The following LAS1L variants were observed in gnomAD, a reference collection of about 807,000 sequenced individuals.
The protein encoded by LAS1L is ribosomal biogenesis protein LAS1L.
A neutral mutation model predicts 57.3 loss-of-function variants in LAS1L; 5 were observed. The observed-to-expected ratio is 0.09, with a 90% CI of 0.05 to 0.18. The LOEUF (loss-of-function observed/expected upper bound fraction) is 0.18. LAS1L is among the 10% of genes least tolerant of loss of function. LAS1L has a pLI of 1.00. For missense variants in LAS1L, 360 were observed against 568.3 expected (o/e 0.63, Z 3.73); for synonymous variants, 245 against 231.7 (o/e 1.06, Z -0.52).
intron 7 of LAS1L, 92 bp downstream of exon 7, chrX:65,528,167 AG>A: frequency 1.9e-6 from 1 of 536,032 alleles, no homozygotes; most frequent in Non-Finnish European, 3.2e-6. Flanking sequence ...TGTACAGCAG[AG>A]GTTGGCAAGC....
chrX:65,517,231 CTTCTTTCT>C lies in LAS1L; in HGVS notation c.1927+748_1927+755del, dbSNP rs750142412. 6.7e-5 allele frequency among the ~76,000 whole-genome samples: 7 copies of C among 104,434 alleles called. No homozygotes were observed. The East Asian group carries it at 8.6e-4, about 13-fold the overall frequency. 90.7% of individuals were successfully genotyped at this position (104,434 alleles called of 115,157 possible). ...TTCTCTGACTTAATGCCCTAGGTTC[CTTCTTTCT>C]TTCTTTCTTTCTTTTTTTTTTTTTT... On this transcript the variant is annotated intron_variant, in intron 12 of 13. Transcript: ENST00000374811.
intron 1 of LAS1L, 36 bp downstream of exon 1, chrX:65,534,444 A>G: frequency 9.5e-7 from 1 of 1,050,831 alleles, no homozygotes; most frequent in South Asian, 2.0e-5. Context: ...CAGCGCCACC[A>G]GCACGCAGGC....
intron 7 of LAS1L, among the ~76,000 whole-genome samples, chrX:65,527,894 A>G (rs1315890232): frequency 8.9e-6 from 1 of 112,107 alleles, no homozygotes; most frequent in Non-Finnish European, 1.9e-5. Flanking sequence ...CACCATACAT[A>G]TATCTTTTAC....
Position 65,523,615 on chromosome X carries a change from T to G in LAS1L, c.1393A>C (p.Met465Leu), listed in dbSNP as rs1359681930. 3 of 1,202,792 alleles carry G rather than the reference T, an allele frequency of 2.5e-6. No individual in the cohort carries two copies. Among genetic ancestry groups the G allele is most frequent in the Admixed American group, 2.2e-5 (1 of 45,155 alleles). The change falls in exon 11 of 14, where the codon ATG becomes CTG. Residue 465 changes from methionine (M) to leucine (L), a missense_variant. Transcript: ENST00000374811. ...GGTGAGCCCAAGCAGGACTCAACCA[T>G]CCGGGGCCAGTCAAGGGAGGCGGAG... ...NCSASLDWPR[M>L]VESCLGSPCW...
chrX:65,518,938 T>C (rs2068744871), intron 11 of LAS1L: 1 of 753,496 alleles, frequency 1.3e-6, no homozygotes, highest in Non-Finnish European at 1.6e-6. Context: ...TGTTCTGTGC[T>C]CCTTCTGCGT....
chrX:65,525,324 G>GAGAGC (rs2148293106), intron 7 of LAS1L, among the ~76,000 whole-genome samples: 1 of 112,027 alleles, frequency 8.9e-6, no homozygotes, highest in Admixed American at 9.4e-5. Flanking sequence ...GGCCCATAAC[G>GAGAGC]AGAGCAGTAG....
At chrX:65,519,812 C>T (rs2068778228) in intron 11 of LAS1L, among the ~76,000 whole-genome samples, 1 of 110,921 alleles carries the variant, frequency 9.0e-6, no homozygotes, top group East Asian at 2.8e-4. Flanking sequence ...TGCAGGGTGA[C>T]TGGTCAGTGG....
intron 4 of LAS1L, among the ~76,000 whole-genome samples, chrX:65,530,685 G>T (rs1197540592): frequency 9.2e-6 from 1 of 109,191 alleles, no homozygotes; most frequent in Non-Finnish European, 1.9e-5. Context: ...ATGGAGGCGC[G>T]TGCCTGTAAT....
At position 65,527,186 on chromosome X, in the gene LAS1L, G is replaced by A. The variant is rs143303499; in HGVS notation, c.956+1074C>T. Among the ~76,000 whole-genome samples the A allele has an allele frequency of 9.7e-3, 787 of 81,179 alleles. 5 individuals carry two copies. Among genetic ancestry groups the A allele is most frequent in the Non-Finnish European group, 0.012 (554 of 44,773 alleles). The allele number at this position is 81,179 out of a possible 115,157, so 70.5% of individuals were successfully genotyped here. A position where few individuals can be genotyped will look rare whatever the true frequency, so the allele number is the denominator to read the frequency against. On this transcript the variant is annotated intron_variant, in intron 7 of 13. Coordinates refer to ENST00000374811, the MANE Select transcript of LAS1L (RefSeq NM_031206.7). The stretch of plus-strand genomic sequence containing the variant: ...CAAGATCGTGCCACTGCACTGCAGC[G>A]TGGGCAATAGCGAAACTCTGTCTCA...
rs774599984 is a variant in LAS1L at position 65,534,602 on chromosome X, G to C, written c.114C>G (p.Ala38=). The change falls in exon 1 of 14, where the codon GCC becomes GCG. Residue 38 remains alanine (A), a synonymous_variant. Transcript: ENST00000374811. ...VKGKGSLPLS[A]HGIVVAWLSR... ...TGAGCCAGGCGACCACGATGCCGTG[G>C]GCCGAGAGTGGCAACGACCCTTTCC... is the stretch of plus-strand genomic sequence containing the variant. 2 of 1,202,619 alleles carry C rather than the reference G, an allele frequency of 1.7e-6. No individual in the cohort carries two copies. The highest frequency in any genetic ancestry group is 2.2e-6 in the Non-Finnish European group (2 of 890,621).
intron 6 of LAS1L, among the ~76,000 whole-genome samples, chrX:65,528,649 G>C (rs1208632511): frequency 8.8e-6 from 1 of 113,010 alleles, no homozygotes; most frequent in Admixed American, 9.3e-5. Context: ...GCTGGAGATA[G>C]AGACTCTTAG....
rs747985755 is a variant in LAS1L at position 65,529,098 on chromosome X, C to T, written c.846+114G>A. 7 of 641,264 alleles carry T rather than the reference C, an allele frequency of 1.1e-5. No individual in the cohort carries two copies. In the East Asian group the frequency reaches 1.7e-4, roughly 15 times the overall value. The allele number at this position is 641,264 out of a possible 1,213,427, so 52.8% of individuals were successfully genotyped here. A position where few individuals can be genotyped will look rare whatever the true frequency, so the allele number is the denominator to read the frequency against. On this transcript the variant is annotated intron_variant, in intron 6 of 13. Transcript: ENST00000374811. Reference sequence around the variant, plus strand: ...TCTCTCTTTCCGAGAAGTTCCCTCACGCTTTGTCACTTTTCTTTCAAATTC... The same window carrying T: ...TCTCTCTTTCCGAGAAGTTCCCTCATGCTTTGTCACTTTTCTTTCAAATTC...
intron 4 of LAS1L, among the ~76,000 whole-genome samples, chrX:65,531,074 GAAACA>G (rs2069461814): frequency 8.9e-6 from 1 of 112,345 alleles, no homozygotes; most frequent in Admixed American, 9.4e-5. Flanking sequence ...GTTGGAAGCT[GAAACA>G]AAAGGAGAAA....
At chrX:65,519,780 G>A (rs764318447) in intron 11 of LAS1L, among the ~76,000 whole-genome samples, 1 of 111,018 alleles carries the variant, frequency 9.0e-6, no homozygotes, top group Admixed American at 9.5e-5. Flanking sequence ...TTCTCTCTGG[G>A]CACATGCAGA....
At chrX:65,523,038 G>A (rs1454549304) in intron 11 of LAS1L, 1 of 112,615 alleles carries the variant, frequency 8.9e-6, no homozygotes, top group Non-Finnish European at 1.9e-5. Flanking sequence ...ATAGAACCCA[G>A]GGTGGATAGG....
At chrX:65,517,597 C>T (rs1051018196) in intron 12 of LAS1L, among the ~76,000 whole-genome samples, 13 of 111,701 alleles carry the variant, frequency 1.2e-4, no homozygotes, top group African/African-American at 4.2e-4. Context: ...CTTGTCTCAC[C>T]ACCAGCCAGC....
chrX:65,534,417 C>T (rs1602666691), intron 1 of LAS1L, 63 bp downstream of exon 1: 5 of 860,497 alleles, frequency 5.8e-6, no homozygotes, highest in Non-Finnish European at 7.8e-6. Context: ...TATAGAAACT[C>T]GACAAAGGAA....
At chrX:65,520,810 T>C (rs1602597290) in intron 11 of LAS1L, 3 of 752,522 alleles carry the variant, frequency 4.0e-6, no homozygotes, top group South Asian at 1.4e-4. Flanking sequence ...GCTTCCACTC[T>C]GCAGGCACTT....
intron 3 of LAS1L, 94 bp from the exon 4 acceptor site, chrX:65,531,532 C>T: frequency 1.7e-6 from 1 of 582,451 alleles, no homozygotes; most frequent in Non-Finnish European, 2.8e-6. Flanking sequence ...CACCTCCTGC[C>T]CCATTTTACA....
Sources: gnomAD v4.1 joint callset for allele counts (sites outside exome capture counted in the v4.1 genomes callset) on GRCh38, gnomAD v4.1.1 for gene constraint, MANE v1.5 for transcripts, NCBI Gene and HGNC (gene_info 2026-07-23, HGNC 2026-07-21) for gene names.